ACACA: variants seen among roughly 807,000 people sequenced by gnomAD.
ACACA encodes the protein acetyl-CoA carboxylase alpha.
In ACACA, 103 loss-of-function variants were observed where a neutral mutation model predicts 296.1. That is an observed-to-expected ratio of 0.35 (90% CI 0.30 to 0.41). The LOEUF (loss-of-function observed/expected upper bound fraction) is 0.41. Ranked by LOEUF, ACACA falls within the 10% of genes least tolerant of loss-of-function variation. The pLI, the probability that ACACA is intolerant of heterozygous loss-of-function variation, is 1.00. For synonymous variants in ACACA, 953 were observed against 1,038.6 expected, an observed-to-expected ratio of 0.92 and a Z score of 1.58; for missense variants, 1,554 against 2,989.7, an observed-to-expected ratio of 0.52 and a Z score of 11.20.
chr17:37,210,385 T>C (rs2078692870), intron 30 of ACACA, 82 bp downstream of exon 30: 1 of 1,272,932 alleles, frequency 7.9e-7, no homozygotes, highest in East Asian at 2.3e-5. Flanking sequence ...TGTCAAGTGT[T>C]GTGGTTTTTT....
intron 3 of ACACA, among the ~76,000 whole-genome samples, chr17:37,314,932 C>A (rs916382866): frequency 1.3e-5 from 2 of 149,304 alleles, no homozygotes; most frequent in African/African-American, 4.9e-5. Context: ...CATGAGCTAC[C>A]GCACCCGGCC....
At chr17:37,345,983 C>CA in intron 1 of ACACA, among the ~76,000 whole-genome samples, 1 of 152,124 alleles carries the variant, frequency 6.6e-6, no homozygotes, top group Middle Eastern at 3.4e-3. Flanking sequence ...GAAGCTTAGG[C>CA]AGGAGGATCA....
In ACACA at chr17:37,270,807, C is replaced by G. The variant is rs2082033887; in HGVS notation, c.1063G>C (p.Gly355Arg). Residue 355 changes from glycine to arginine, a missense_variant, in exon 10 of 56, where the codon GGG becomes CGG. Coordinates refer to ENST00000616317, the MANE Select transcript of ACACA (RefSeq NM_198834.3). ...TTGTTGACTTTTCTAATTCCCTTCC[C>G]TCCTCCTCCCTCTGAGGCCTTGATC... is the stretch of plus-strand genomic sequence containing the variant. Reference protein sequence around the residue: ...VMIKASEGGGGKGIRKVNNAD... With the variant: ...VMIKASEGGGRKGIRKVNNAD... The G allele has an allele frequency of 6.2e-7, 1 of 1,613,494 alleles. No homozygotes were observed. The highest frequency in any genetic ancestry group is 8.5e-7 in the Non-Finnish European group (1 of 1,179,816).
At chr17:37,159,877 G>C (rs1310052150) in intron 42 of ACACA, among the ~76,000 whole-genome samples, 1 of 152,220 alleles carries the variant, frequency 6.6e-6, no homozygotes, top group Non-Finnish European at 1.5e-5. Flanking sequence ...ATAAAAAGGA[G>C]ACTTTGGGCT....
At chr17:37,116,499 T>G (rs537228948) in intron 50 of ACACA, among the ~76,000 whole-genome samples, 3 of 152,304 alleles carry the variant, frequency 2.0e-5, no homozygotes, top group Admixed American at 1.3e-4. Context: ...TGGATCTGAC[T>G]GCCAAACAAG....
At chr17:37,286,036 C>T (rs966024834) in intron 3 of ACACA, among the ~76,000 whole-genome samples, 1 of 151,998 alleles carries the variant, frequency 6.6e-6, no homozygotes, top group Non-Finnish European at 1.5e-5. Context: ...AGACTGTAGG[C>T]GCGCCACCAC....
At chr17:37,118,434 A>G (rs2143007729) in intron 50 of ACACA, among the ~76,000 whole-genome samples, 1 of 152,380 alleles carries the variant, frequency 6.6e-6, no homozygotes, top group Admixed American at 6.5e-5. Flanking sequence ...TTTTACCACA[A>G]TAAAAAATGA....
intron 1 of ACACA, among the ~76,000 whole-genome samples, chr17:37,351,270 T>C (rs1047480631): frequency 4.6e-5 from 7 of 152,188 alleles, no homozygotes; most frequent in Non-Finnish European, 1.0e-4. Context: ...AAGACCAGCC[T>C]GGCCAATATG....
chr17:37,379,519 T>C, intron 1 of ACACA: 4 of 1,255,804 alleles, frequency 3.2e-6, no homozygotes, highest in Non-Finnish European at 4.3e-6. Flanking sequence ...TTTTTTTTCT[T>C]GTAAATTTGT....
rs1374300046 is a variant in ACACA, at chr17:37,274,634, T to C, written c.902-335A>G. 6 of 985,276 alleles carry C rather than the reference T, an allele frequency of 6.1e-6. No individual in the cohort carries two copies. The African/African-American group carries it at 1.0e-4, about 17-fold the overall frequency. The allele number at this position is 985,276 out of a possible 1,614,324, so 61.0% of individuals were successfully genotyped here. A position where few individuals can be genotyped will look rare whatever the true frequency, so the allele number is the denominator to read the frequency against. On this transcript the variant is annotated intron_variant, in intron 8 of 55. Coordinates refer to ENST00000616317, the MANE Select transcript of ACACA (RefSeq NM_198834.3). ...GCAGGCAAAATACCTTCAAACTGTG[T>C]GTTCAGGCCTGCTCCAGGGCCAAGA... is the stretch of plus-strand genomic sequence containing the variant.
chr17:37,106,577 T>A (rs1260215450), intron 52 of ACACA, among the ~76,000 whole-genome samples: 1 of 152,034 alleles, frequency 6.6e-6, no homozygotes, highest in Non-Finnish European at 1.5e-5. Context: ...TAAAAAAAAA[T>A]ACTGCTCCCC....
intron 3 of ACACA, among the ~76,000 whole-genome samples, chr17:37,307,063 T>C (rs997687081): frequency 2.6e-5 from 4 of 152,220 alleles, no homozygotes; most frequent in African/African-American, 7.2e-5. Context: ...AATTCACCCA[T>C]GTTGTGATAC....
chr17:37,243,711 C>T lies in ACACA; in HGVS notation c.2743-152G>A, dbSNP rs2080536179. Reference sequence around the variant, plus strand: ...GCACATACTTGAGCCCTACGGAACCCATGTATAGAAATAGTTGTGGGTTCC... The same window carrying T: ...GCACATACTTGAGCCCTACGGAACCTATGTATAGAAATAGTTGTGGGTTCC... On this transcript the variant is annotated intron_variant, in intron 21 of 55. Coordinates refer to ENST00000616317, the MANE Select transcript of ACACA (RefSeq NM_198834.3). The T allele has an allele frequency of 6.5e-6, 5 of 767,282 alleles. No individual in the cohort carries two copies. The South Asian group carries it at 7.9e-5, about 12-fold the overall frequency. 47.5% of individuals were successfully genotyped at this position (767,282 alleles called of 1,614,324 possible). A position where few individuals can be genotyped will look rare whatever the true frequency, so the allele number is the denominator to read the frequency against.
chr17:37,386,255 T>C (rs2050523854), intron 1 of ACACA: 3 of 613,918 alleles, frequency 4.9e-6, no homozygotes, highest in East Asian at 5.9e-5. Flanking sequence ...GAGAAGTTAC[T>C]GAATGTACAT....
intron 7 of ACACA, among the ~76,000 whole-genome samples, chr17:37,276,522 C>A (rs2411159): frequency 0.93 from 142,002 of 152,324 alleles, 66,306 homozygotes; most frequent in East Asian, 1. Flanking sequence ...TCTCTGAGAC[C>A]GAGAGAAAAA....
At chr17:37,324,762 G>A (rs1332809742) in intron 3 of ACACA, among the ~76,000 whole-genome samples, 1 of 149,400 alleles carries the variant, frequency 6.7e-6, no homozygotes, top group East Asian at 2.0e-4. Context: ...TTGAACCCGG[G>A]AGGCGGAGGT....
At chr17:37,262,593 T>C (rs1172047589) in intron 11 of ACACA, among the ~76,000 whole-genome samples, 2 of 152,178 alleles carry the variant, frequency 1.3e-5, no homozygotes, top group African/African-American at 4.8e-5. Flanking sequence ...ATAAGCATCA[T>C]TGTGTTCCAA....
intron 29 of ACACA, among the ~76,000 whole-genome samples, chr17:37,214,803 T>TAGGG (rs2078912145): frequency 6.6e-6 from 1 of 152,162 alleles, no homozygotes; most frequent in Non-Finnish European, 1.5e-5. Flanking sequence ...CACTGTAAGA[T>TAGGG]TTCATTTATT....
chr17:37,222,171 A>G, intron 28 of ACACA: 1 of 357,804 alleles, frequency 2.8e-6, no homozygotes, highest in South Asian at 2.7e-5. Flanking sequence ...CTATTAATCT[A>G]TTAAGCATGA....
Sources: gnomAD v4.1 joint callset for allele counts (sites outside exome capture counted in the v4.1 genomes callset) on GRCh38, gnomAD v4.1.1 for gene constraint, MANE v1.5 for transcripts, NCBI Gene and HGNC (gene_info 2026-07-23, HGNC 2026-07-21) for gene names.